The following MMP12 variants were observed in gnomAD, a reference collection of about 807,000 sequenced individuals.
MMP12 encodes the protein macrophage metalloelastase.
A neutral mutation model predicts 45.2 loss-of-function variants in MMP12; 51 were observed. The observed-to-expected ratio is 1.13, with a 90% CI of 0.90 to 1.42. MMP12 has a LOEUF of 1.42. Ranked by LOEUF, MMP12 falls within the 40% of genes most tolerant of loss-of-function variation. MMP12 has a pLI of 0.00. For missense variants in MMP12, 530 were observed against 570.8 expected (o/e 0.93, Z 0.73); for synonymous variants, 210 against 193.3 (o/e 1.09, Z -0.72).
At position 102,864,175 on chromosome 11, in the gene MMP12, T is replaced by C. The variant is rs1271620019; in HGVS notation, c.1283A>G (p.Lys428Arg). 1.2e-6 allele frequency: 2 copies of C among 1,613,446 alleles called. No homozygotes were observed. Among genetic ancestry groups the C allele is most frequent in the African/African-American group, 2.7e-5 (2 of 74,898 alleles). Residue 428 changes from lysine to arginine, a missense_variant, in exon 9 of 10, where the codon AAA becomes AGA. Coordinates refer to ENST00000571244, the MANE Select transcript of MMP12 (RefSeq NM_002426.6). ...ITKNFQGIGP[K>R]IDAVFYSKNK... ...TTTAGAGTAGAAGACTGCATCAATT[T>C]TAGGCCCGATTCCTTGGAAGTTCTT...
intron 4 of MMP12, 148 bp downstream of exon 4, chr11:102,871,446 A>G (rs1289013387): frequency 1.2e-5 from 13 of 1,083,158 alleles, no homozygotes; most frequent in African/African-American, 1.6e-5. Flanking sequence ...TAGAGGCAAA[A>G]TTATAATCAG....
chr11:102,867,176 T>A lies in MMP12; in HGVS notation c.911+94A>T. On this transcript the variant is annotated intron_variant, in intron 6 of 9. Coordinates refer to ENST00000571244, the MANE Select transcript of MMP12 (RefSeq NM_002426.6). ...TCCAAGTTCCTGCTTACAAGTTTCA[T>A]CTACTTCATTTTCAATTATTTTCCA... 4 of 1,182,994 alleles carry A rather than the reference T, an allele frequency of 3.4e-6. No individual in the cohort carries two copies. In the South Asian group the frequency reaches 7.1e-5, roughly 21 times the overall value. The allele number at this position is 1,182,994 out of a possible 1,614,324, so 73.3% of individuals were successfully genotyped here. A position where few individuals can be genotyped will look rare whatever the true frequency, so the allele number is the denominator to read the frequency against.
chr11:102,872,844 G>A, intron 2 of MMP12, 21 bp downstream of exon 2: 4 of 1,611,802 alleles, frequency 2.5e-6, no homozygotes, highest in Non-Finnish European at 3.4e-6. Flanking sequence ...AAAAATACAG[G>A]GCGACATACA....
At chr11:102,869,288 G>A (rs183266940) in intron 4 of MMP12, among the ~76,000 whole-genome samples, 23 of 152,026 alleles carry the variant, frequency 1.5e-4, no homozygotes, top group African/African-American at 5.5e-4. Flanking sequence ...CCTCTCTCGG[G>A]GAGTGTCTAG....
At position 102,872,962 on chromosome 11, in the gene MMP12, C is replaced by T; in HGVS notation, c.253G>A (p.Glu85Lys). 6.2e-7 allele frequency: 1 copy of T among 1,613,704 alleles called. No individual in the cohort carries two copies. Among genetic ancestry groups the T allele is most frequent in the Non-Finnish European group, 8.5e-7 (1 of 1,179,762 alleles). ...VTGQLDTSTL[E>K]MMHAPRCGVP... is the part of the protein sequence containing the mutation. ...CCACATCGAGGTGCGTGCATCATCT[C>T]CAGGGTAGATGTGTCCAGTTGCCCG... The change falls in exon 2 of 10, where the codon GAG (glutamate) becomes AAG (lysine). Residue 85 changes from glutamate (E) to lysine (K), a missense_variant. By Grantham distance (56) the Glu-to-Lys change is moderately conservative (BLOSUM62 1). Transcript: ENST00000571244.
chr11:102,870,361 A>C (rs960775541), intron 4 of MMP12, among the ~76,000 whole-genome samples: 1 of 152,254 alleles, frequency 6.6e-6, no homozygotes, highest in Non-Finnish European at 1.5e-5. Flanking sequence ...GTCTTTTGAC[A>C]ATACAAAAGT....
At chr11:102,874,729 A>C (rs1859561980) in intron 1 of MMP12, 107 bp downstream of exon 1, 2 of 722,042 alleles carry the variant, frequency 2.8e-6, no homozygotes, top group Non-Finnish European at 4.6e-6. Flanking sequence ...TTTTCAGCTG[A>C]TACGTAAAAG....
Position 102,867,287 on chromosome 11 carries a change from G to T in MMP12, c.894C>A (p.Ile298=), listed in dbSNP as rs528422255. The T allele has an allele frequency of 6.2e-6, 10 of 1,600,334 alleles. No individual in the cohort carries two copies. In the Admixed American group the frequency reaches 6.9e-5, roughly 11 times the overall value. The change falls in exon 6 of 10, where the codon ATC becomes ATA. Residue 298 remains isoleucine (I), a synonymous_variant. Coordinates refer to ENST00000571244, the MANE Select transcript of MMP12 (RefSeq NM_002426.6). ...GATCCTACCTGTCTTTGAAGAAAAA[G>T]ATCTTATTTCCCACGGTAGTGACAG... ...FDAVTTVGNK[I]FFFKDRFFWL... is the part of the protein sequence containing the mutation.
chr11:102,866,592 G>T (rs1183735307), intron 6 of MMP12, 144 bp from the exon 7 acceptor site: 9 of 827,848 alleles, frequency 1.1e-5, no homozygotes, highest in Non-Finnish European at 1.5e-5. Context: ...GATGTTCATG[G>T]ATCCACAAGA....
rs782320061 is a variant in MMP12, at chr11:102,867,941, C to T, written c.754G>A (p.Ala252Thr). The change falls in exon 5 of 10, where the codon GCT becomes ACT. Residue 252 changes from alanine to threonine, a missense_variant. Transcript: ENST00000571244. ...GACTGAATGCCACGTATGTCATCAG[C>T]AGAGAGGCGAAATGTGTTGATGTCA... ...YVDINTFRLS[A>T]DDIRGIQSLY... is the part of the protein sequence containing the mutation. 3 of 1,610,404 alleles carry T rather than the reference C, an allele frequency of 1.9e-6. No homozygotes were observed. Among genetic ancestry groups the T allele is most frequent in the Non-Finnish European group, 2.5e-6 (3 of 1,178,502 alleles).
intron 4 of MMP12, among the ~76,000 whole-genome samples, chr11:102,869,077 T>G (rs1565233925): frequency 6.6e-6 from 1 of 152,208 alleles, no homozygotes; most frequent in Non-Finnish European, 1.5e-5. Flanking sequence ...GGTATGTCCC[T>G]TCTCTCAAAT....
rs200333350 is a variant in MMP12 at position 102,874,952 on chromosome 11, C to T, written c.-15G>A. On this transcript the variant is annotated 5_prime_UTR_variant, in exon 1 of 10. Transcript: ENST00000571244. ...AGAAACTTCATTGTAAACTTCTAAA[C>T]GGATCAATTCAGTTTACTGTGTTCC... 3.2e-5 allele frequency: 48 copies of T among 1,513,386 alleles called. No homozygotes were observed. The highest frequency in any genetic ancestry group is 7.1e-5 in the East Asian group (3 of 42,496). 93.7% of individuals were successfully genotyped at this position (1,513,386 alleles called of 1,614,324 possible).
At chr11:102,871,117 C>G (rs1859485545) in intron 4 of MMP12, among the ~76,000 whole-genome samples, 1 of 152,040 alleles carries the variant, frequency 6.6e-6, no homozygotes, top group Non-Finnish European at 1.5e-5. Context: ...GTGGTCCTAG[C>G]TACTAGGGAG....
At chr11:102,864,348 A>G (rs1347433781) in intron 8 of MMP12, 96 bp from the exon 9 acceptor site, 1 of 784,888 alleles carries the variant, frequency 1.3e-6, no homozygotes, top group East Asian at 2.6e-5. Flanking sequence ...CTCTTCCCCA[A>G]AGGACTTAAG....
intron 1 of MMP12, 57 bp from the exon 2 acceptor site, chr11:102,873,169 G>C: frequency 6.6e-7 from 1 of 1,510,772 alleles, no homozygotes. Flanking sequence ...TTTCTGTTGG[G>C]AGCTCCACAT....
intron 2 of MMP12, among the ~76,000 whole-genome samples, chr11:102,872,570 T>C (rs1555009533): frequency 6.6e-6 from 1 of 152,186 alleles, no homozygotes; most frequent in Non-Finnish European, 1.5e-5. Context: ...CTCCATCTCC[T>C]GACCTCGTGA....
rs1555008204 is a variant in MMP12, at chr11:102,864,236, G to A, written c.1222C>T (p.Gln408Ter). The A allele has an allele frequency of 6.2e-7, 1 of 1,613,268 alleles. No homozygotes were observed. The highest frequency in any genetic ancestry group is 8.5e-7 in the Non-Finnish European group (1 of 1,179,386). ...TTGGGATAACCAGGGTCCATCATCT[G>A]TCTCCTTTCATCATACCTGAGCAAA... ...NQYWRYDERR[Q>*]MMDPGYPKLI... Residue 408 changes from glutamine (Q) to a stop codon, truncating the protein, a stop_gained, in exon 9 of 10, where the codon CAG (glutamine) becomes TAG (stop). Coordinates refer to ENST00000571244, the MANE Select transcript of MMP12 (RefSeq NM_002426.6). LOFTEE classifies it high-confidence loss of function.
At position 102,874,891 on chromosome 11, in the gene MMP12, G is replaced by T. The variant is rs782153855; in HGVS notation, c.47C>A (p.Ala16Asp). The T allele has an allele frequency of 6.2e-7, 1 of 1,606,898 alleles. No homozygotes were observed. Among genetic ancestry groups the T allele is most frequent in the Non-Finnish European group, 8.5e-7 (1 of 1,176,488 alleles). ...GCTTGTAGAGCTGTTCAGGGGAAGA[G>T]CTCCAGAAGCAGTGGCCTGCAGGAG... is the stretch of plus-strand genomic sequence containing the variant. ...ILLLQATASG[A>D]LPLNSSTSLE... The change falls in exon 1 of 10, where the codon GCT becomes GAT. Residue 16 changes from alanine (A) to aspartate (D), a missense_variant. Physicochemically the swap from Ala to Asp is moderately radical, Grantham distance 126. Coordinates refer to ENST00000571244, the MANE Select transcript of MMP12 (RefSeq NM_002426.6).
At chr11:102,868,401 T>C (rs782680709) in intron 4 of MMP12, among the ~76,000 whole-genome samples, 7 of 152,206 alleles carry the variant, frequency 4.6e-5, no homozygotes, top group Non-Finnish European at 7.3e-5. Flanking sequence ...TCTGTACTAG[T>C]AGACAAATGA....
Sources: allele counts gnomAD v4.1 joint callset (sites outside exome capture counted in the v4.1 genomes callset), GRCh38; gene constraint gnomAD v4.1.1; transcripts MANE v1.5; gene names NCBI Gene and HGNC (gene_info 2026-07-23, HGNC 2026-07-21).